The following CGNL1 variants were observed in gnomAD, a reference collection of about 807,000 sequenced individuals.
CGNL1 encodes cingulin-like protein 1.
CGNL1 carries 132 observed loss-of-function variants against 141.2 expected under a neutral mutation model. The observed-to-expected ratio is 0.93, with a 90% CI of 0.81 to 1.08. CGNL1 has a LOEUF of 1.08. Ranked by LOEUF, CGNL1 falls within the 50% of genes least tolerant of loss-of-function variation. The pLI is 0.00. For missense variants in CGNL1, 1,870 were observed against 1,588.6 expected, an observed-to-expected ratio of 1.18 and a Z score of -3.01; for synonymous variants, 690 against 622.1, an observed-to-expected ratio of 1.11 and a Z score of -1.63.
At chr15:57,530,708 A>T (rs2031902573) in intron 13 of CGNL1, among the ~76,000 whole-genome samples, 2 of 152,114 alleles carry the variant, frequency 1.3e-5, no homozygotes, top group South Asian at 2.1e-4. Flanking sequence ...GGGTTTTCTA[A>T]CTTCCCTATA....
chr15:57,439,235 C>T lies in CGNL1; in HGVS notation c.1236C>T (p.Gly412=). Residue 412 remains glycine (G), a synonymous_variant, in exon 2 of 19, where the codon GGC becomes GGT. Transcript: ENST00000281282. ...EYLIEFSRNL[G]KSSEHLLRPS... Reference sequence around the variant, plus strand: ...TGATTGAATTCAGTAGGAACTTGGGCAAGTCAAGCGAACACCTCCTCCGGC... The same window carrying T: ...TGATTGAATTCAGTAGGAACTTGGGTAAGTCAAGCGAACACCTCCTCCGGC... 1 of 1,614,074 alleles carries T rather than the reference C, an allele frequency of 6.2e-7. No individual in the cohort carries two copies. Among genetic ancestry groups the T allele is most frequent in the Non-Finnish European group, 8.5e-7 (1 of 1,180,020 alleles).
intron 4 of CGNL1, among the ~76,000 whole-genome samples, chr15:57,450,454 T>G (rs544172394): frequency 2.6e-5 from 4 of 152,282 alleles, no homozygotes; most frequent in Non-Finnish European, 4.4e-5. Flanking sequence ...TTTTTGTATT[T>G]TTAGCAGAGA....
chr15:57,520,384 C>G lies in CGNL1; in HGVS notation c.2715+1887C>G, dbSNP rs556020426. On this transcript the variant is annotated intron_variant, in intron 10 of 18. Coordinates refer to ENST00000281282, the MANE Select transcript of CGNL1 (RefSeq NM_032866.5). ...AAAGAAAAAAGTAACTGGTGTTTTT[C>G]TCAGTCTTTGTGCTATTGGTCTATT... Among the ~76,000 whole-genome samples, 4 of 152,320 alleles carry G rather than the reference C, an allele frequency of 2.6e-5. No homozygotes were observed. The East Asian group carries it at 7.7e-4, about 29-fold the overall frequency.
At chr15:57,473,802 G>A (rs551814740) in intron 8 of CGNL1, among the ~76,000 whole-genome samples, 2 of 151,352 alleles carry the variant, frequency 1.3e-5, no homozygotes, top group East Asian at 3.9e-4. Context: ...GCCTTCAGAT[G>A]ACTATAACCT....
At chr15:57,441,800 G>A (rs1361408473) in intron 3 of CGNL1, among the ~76,000 whole-genome samples, 8 of 152,134 alleles carry the variant, frequency 5.3e-5, no homozygotes, top group Admixed American at 2.6e-4. Flanking sequence ...AATTGCTGAC[G>A]GTGTGGTAGA....
rs61564944 is a variant in CGNL1 at position 57,442,182 on chromosome 15, G to GAAAAAAAAAAAAAAAAAAAAAA, written c.1698-170_1698-169insAAAAAAAAAAAAAAAAAAAAAA. On this transcript the variant is annotated intron_variant, in intron 3 of 18. Coordinates refer to ENST00000281282, the MANE Select transcript of CGNL1 (RefSeq NM_032866.5). ...TTGAGTGGTAACACATCATTTATTT[G>GAAAAAAAAAAAAAAAAAAAAAA]AAAAAAAAAAAAAAAAAAAAAGACA... Among the ~76,000 whole-genome samples, 38 of 96,508 alleles carry GAAAAAAAAAAAAAAAAAAAAAA rather than the reference G, an allele frequency of 3.9e-4. 3 individuals carry two copies. Among genetic ancestry groups the GAAAAAAAAAAAAAAAAAAAAAA allele is most frequent in the African/African-American group, 1.6e-3 (37 of 23,298 alleles). 63.3% of individuals were successfully genotyped at this position (96,508 alleles called of 152,430 possible).
At chr15:57,484,825 T>C (rs2152367230) in intron 8 of CGNL1, among the ~76,000 whole-genome samples, 1 of 152,302 alleles carries the variant, frequency 6.6e-6, no homozygotes, top group African/African-American at 2.4e-5. Context: ...TTTCTGTTCC[T>C]GTGTTAGTTT....
At chr15:57,546,032 T>A in intron 17 of CGNL1, 44 bp from the exon 18 acceptor site, 1 of 1,587,514 alleles carries the variant, frequency 6.3e-7, no homozygotes, top group Non-Finnish European at 8.6e-7. Flanking sequence ...GCGCTGGGGC[T>A]GGGCCATCAG....
chr15:57,467,785 G>A (rs1423729794), intron 8 of CGNL1, among the ~76,000 whole-genome samples: 1 of 150,304 alleles, frequency 6.7e-6, no homozygotes, highest in Admixed American at 6.7e-5. Flanking sequence ...TGCCTCCTGG[G>A]TTCAAATGAT....
At chr15:57,516,735 C>A (rs1427460587) in intron 8 of CGNL1, 45 bp from the exon 9 acceptor site, 1 of 1,586,638 alleles carries the variant, frequency 6.3e-7, no homozygotes, top group Non-Finnish European at 8.6e-7. Context: ...GGGGACAGCT[C>A]CTTGACATCA....
chr15:57,458,598 T>C (rs758749745), intron 7 of CGNL1, among the ~76,000 whole-genome samples: 2 of 152,022 alleles, frequency 1.3e-5, no homozygotes, highest in Non-Finnish European at 2.9e-5. Context: ...ATCCAAACAA[T>C]TGAGAAACGT....
At chr15:57,430,096 C>T (rs1171028883) in intron 1 of CGNL1, among the ~76,000 whole-genome samples, 1 of 152,220 alleles carries the variant, frequency 6.6e-6, no homozygotes, top group Non-Finnish European at 1.5e-5. Flanking sequence ...CTGGCGTGAG[C>T]CACTGCCCGG....
intron 11 of CGNL1, 125 bp from the exon 12 acceptor site, chr15:57,524,456 G>T: frequency 2.2e-6 from 2 of 894,996 alleles, no homozygotes; most frequent in Non-Finnish European, 3.4e-6. Flanking sequence ...ATCAGGTGCT[G>T]GGCCATCTTT....
chr15:57,379,887 C>T (rs758987117), intron 1 of CGNL1, among the ~76,000 whole-genome samples: 2 of 152,088 alleles, frequency 1.3e-5, no homozygotes, highest in African/African-American at 2.4e-5. Flanking sequence ...TGACCTTTAC[C>T]GAGGAGGGAA....
intron 6 of CGNL1, 64 bp downstream of exon 6, chr15:57,452,353 T>C: frequency 1.4e-6 from 2 of 1,467,848 alleles, no homozygotes; most frequent in Non-Finnish European, 1.8e-6. Context: ...GCTAGAAACT[T>C]TCTGTCCATT....
intron 18 of CGNL1, among the ~76,000 whole-genome samples, chr15:57,546,796 A>G (rs533979833): frequency 1.5e-4 from 23 of 152,216 alleles, no homozygotes; most frequent in African/African-American, 5.3e-4. Context: ...GATTAGGTTC[A>G]TGGTAATCCA....
chr15:57,501,609 AG>A (rs1281446990), intron 8 of CGNL1, among the ~76,000 whole-genome samples: 1 of 152,160 alleles, frequency 6.6e-6, no homozygotes, highest in African/African-American at 2.4e-5. Context: ...GGGGAGCAGG[AG>A]GAGGGTAAGG....
At position 57,470,098 on chromosome 15, in the gene CGNL1, C is replaced by T. The variant is rs1255896200; in HGVS notation, c.2403+8206C>T. ...TACCCTGAATGACGGCTACTGAGAG[C>T]TGGAGAAGTGGTGGGGTTTGCAATC... On this transcript the variant is annotated intron_variant, in intron 8 of 18. Transcript: ENST00000281282. 2.6e-5 allele frequency among the ~76,000 whole-genome samples: 4 copies of T among 152,080 alleles called. No homozygotes were observed. In the East Asian group the frequency reaches 7.7e-4, roughly 29 times the overall value.
chr15:57,526,626 T>C lies in CGNL1; in HGVS notation c.3039+1875T>C, dbSNP rs186748324. ...ATCGAGACTTAGTGATTACCATTGT[T>C]CAGTTTATTTTCTACATCTCTTTTA... is the stretch of plus-strand genomic sequence containing the variant. On this transcript the variant is annotated intron_variant, in intron 12 of 18. Transcript: ENST00000281282. Among the ~76,000 whole-genome samples the C allele has an allele frequency of 2.6e-4, 40 of 152,104 alleles. 1 individual carries two copies. Among genetic ancestry groups the C allele is most frequent in the African/African-American group, 8.7e-4 (36 of 41,404 alleles).
Sources: allele counts gnomAD v4.1 joint callset (sites outside exome capture counted in the v4.1 genomes callset), GRCh38; gene constraint gnomAD v4.1.1; transcripts MANE v1.5; gene names NCBI Gene and HGNC (gene_info 2026-07-23, HGNC 2026-07-21).